DNMBP: variants seen among roughly 807,000 people sequenced by gnomAD.
DNMBP encodes dynamin binding protein.
In DNMBP, 87 loss-of-function variants were observed where a neutral mutation model predicts 150.0. The ratio of observed to expected loss-of-function variants is 0.58; its 90% CI spans 0.49 to 0.69. The LOEUF (loss-of-function observed/expected upper bound fraction) is 0.69. Among genes scored for constraint, DNMBP ranks in the 30% least tolerant of loss-of-function variants. The pLI is 0.00. For missense variants in DNMBP, 1,774 were observed against 1,949.0 expected, an observed-to-expected ratio of 0.91 and a Z score of 1.69; for synonymous variants, 711 against 750.4, an observed-to-expected ratio of 0.95 and a Z score of 0.86.
chr10:99,882,517 G>A (rs1011026367), intron 15 of DNMBP, among the ~76,000 whole-genome samples: 7 of 152,168 alleles, frequency 4.6e-5, no homozygotes, highest in African/African-American at 1.7e-4. Flanking sequence ...CTGGGAGGTG[G>A]AGGCTGCAGT....
intron 1 of DNMBP, among the ~76,000 whole-genome samples, chr10:100,007,651 G>A (rs930985313): frequency 2.0e-5 from 3 of 152,178 alleles, no homozygotes; most frequent in Admixed American, 2.0e-4. Flanking sequence ...ATACATTTTA[G>A]CTACTCTATT....
chr10:99,882,175 T>C (rs757317165), intron 15 of DNMBP, among the ~76,000 whole-genome samples: 1 of 152,084 alleles, frequency 6.6e-6, no homozygotes, highest in African/African-American at 2.4e-5. Context: ...GTTGATCTCA[T>C]AGAGGTTGAG....
rs1378238467 is a variant in DNMBP, at chr10:99,875,700, A to G, written c.*1451T>C. Reference sequence around the variant, plus strand: ...TGACCACGACCAGCAGACACTGTGGATGTTAGGACTCCACGGTGTCTCCCG... The same window carrying G: ...TGACCACGACCAGCAGACACTGTGGGTGTTAGGACTCCACGGTGTCTCCCG... On this transcript the variant is annotated 3_prime_UTR_variant, in exon 17 of 17. Coordinates refer to ENST00000324109, the MANE Select transcript of DNMBP (RefSeq NM_015221.4). 6.6e-6 allele frequency: 1 copy of G among 152,048 alleles called. No homozygotes were observed. The highest frequency in any genetic ancestry group is 1.5e-5 in the Non-Finnish European group (1 of 68,032). 9.4% of individuals were successfully genotyped at this position (152,048 alleles called of 1,614,324 possible). A position where few individuals can be genotyped will look rare whatever the true frequency, so the allele number is the denominator to read the frequency against.
chr10:99,889,214 A>C, intron 11 of DNMBP: 1 of 302,726 alleles, frequency 3.3e-6, no homozygotes, highest in South Asian at 6.2e-5. Context: ...TATGTCCCTA[A>C]TAGGGTTTCT....
intron 1 of DNMBP, among the ~76,000 whole-genome samples, chr10:99,980,437 A>T (rs1046106774): frequency 7.3e-5 from 10 of 137,426 alleles, no homozygotes; most frequent in African/African-American, 2.5e-4. Flanking sequence ...ACAGAGTAAG[A>T]CTCCGTCTCA....
chr10:99,903,919 G>A (rs555092472), intron 6 of DNMBP, among the ~76,000 whole-genome samples: 1 of 150,018 alleles, frequency 6.7e-6, no homozygotes, highest in South Asian at 2.1e-4. Context: ...GAAATAGAAT[G>A]GATTTTTTTT....
chr10:99,965,691 T>A (rs1216631735), intron 3 of DNMBP, among the ~76,000 whole-genome samples: 1 of 152,096 alleles, frequency 6.6e-6, no homozygotes, highest in African/African-American at 2.4e-5. Flanking sequence ...AAGATGGGGT[T>A]TCACCATGTT....
chr10:99,879,875 C>A lies in DNMBP; in HGVS notation c.4484G>T (p.Arg1495Ile). ...TCTGTCTTCCGGAGCCTGGGCTGTT[C>A]TTGCACATCCTTTGACGAGGTCTTG... The part of the protein sequence containing the change: ...QSQDLVKGCA[R>I]TAQAPEDRST... The change falls in exon 16 of 17, where the codon AGA becomes ATA. Residue 1495 changes from arginine (R) to isoleucine (I), a missense_variant. Arg to Ile is a moderately conservative substitution (Grantham distance 97). This residue lies in a region of DNMBP where 1,430 missense variants were observed against 1,492.5 expected (regional missense o/e 0.96). Coordinates refer to ENST00000324109, the MANE Select transcript of DNMBP (RefSeq NM_015221.4). 6.2e-7 allele frequency: 1 copy of A among 1,614,262 alleles called. No homozygotes were observed. The highest frequency in any genetic ancestry group is 8.5e-7 in the Non-Finnish European group (1 of 1,180,052).
At chr10:99,967,255 T>C (rs1263005541) in intron 3 of DNMBP, among the ~76,000 whole-genome samples, 1 of 152,070 alleles carries the variant, frequency 6.6e-6, no homozygotes, top group Non-Finnish European at 1.5e-5. Context: ...ATAAAATTTG[T>C]ATAATAAAAA....
At chr10:99,929,695 T>G (rs1212192428) in intron 4 of DNMBP, 4 of 702,900 alleles carry the variant, frequency 5.7e-6, no homozygotes, top group Non-Finnish European at 1.0e-5. Context: ...CTTCTCCAAG[T>G]CTCTGGGCCA....
chr10:99,896,444 C>T (rs765317072), intron 9 of DNMBP, 47 bp from the exon 10 acceptor site: 2 of 1,602,954 alleles, frequency 1.2e-6, no homozygotes, highest in East Asian at 2.2e-5. Context: ...GGGCATACTA[C>T]AAAATGAGCC....
chr10:99,968,330 A>G (rs2040641140), intron 3 of DNMBP, among the ~76,000 whole-genome samples: 1 of 152,188 alleles, frequency 6.6e-6, no homozygotes, highest in Admixed American at 6.5e-5. Flanking sequence ...AGCCGTACCC[A>G]GTTATTTTTT....
intron 1 of DNMBP, among the ~76,000 whole-genome samples, chr10:99,990,792 T>C (rs1279046771): frequency 1.8e-5 from 2 of 111,804 alleles, no homozygotes; most frequent in Non-Finnish European, 3.7e-5. Context: ...TACACACATA[T>C]ATACACACAT....
intron 4 of DNMBP, chr10:99,929,962 A>G (rs770536097): frequency 1.2e-4 from 85 of 702,792 alleles, no homozygotes; most frequent in Non-Finnish European, 9.9e-5. Flanking sequence ...AAAGCATCAT[A>G]GCCTTTATTT....
intron 12 of DNMBP, among the ~76,000 whole-genome samples, chr10:99,887,329 A>C (rs1464441289): frequency 1.3e-5 from 2 of 152,186 alleles, no homozygotes; most frequent in African/African-American, 4.8e-5. Flanking sequence ...TGAGGTCAGA[A>C]GTTTGAGACC....
At chr10:99,888,177 T>C (rs2039499200) in intron 12 of DNMBP, among the ~76,000 whole-genome samples, 1 of 151,864 alleles carries the variant, frequency 6.6e-6, no homozygotes, top group Admixed American at 6.6e-5. Flanking sequence ...ACTATATTCC[T>C]AAATATTTGT....
intron 1 of DNMBP, among the ~76,000 whole-genome samples, chr10:99,978,166 C>T (rs2040748206): frequency 6.6e-6 from 1 of 152,216 alleles, no homozygotes; most frequent in Admixed American, 6.5e-5. Flanking sequence ...TACTCAATCT[C>T]TTTAGCTGAC....
At chr10:99,982,773 C>T (rs1455859939) in intron 1 of DNMBP, among the ~76,000 whole-genome samples, 1 of 151,968 alleles carries the variant, frequency 6.6e-6, no homozygotes, top group African/African-American at 2.4e-5. Flanking sequence ...GGCAACATGG[C>T]AAAACCCTGT....
chr10:99,896,956 G>C (rs897523549), intron 9 of DNMBP, among the ~76,000 whole-genome samples: 1 of 152,218 alleles, frequency 6.6e-6, no homozygotes, highest in Non-Finnish European at 1.5e-5. Context: ...GTAGAAGTTG[G>C]AGACTACATC....
Sources: gnomAD v4.1 joint callset for allele counts (sites outside exome capture counted in the v4.1 genomes callset) on GRCh38, gnomAD v4.1.1 for gene constraint, gnomAD v4.1.1 regional missense constraint, MANE v1.5 for transcripts, NCBI Gene and HGNC (gene_info 2026-07-23, HGNC 2026-07-21) for gene names.